Variants in SLC25A26 observed in about 807,000 individuals in gnomAD.
SLC25A26 encodes mitochondrial S-adenosylmethionine carrier protein.
A neutral mutation model predicts 37.8 loss-of-function variants in SLC25A26; 36 were observed. The observed-to-expected ratio is 0.95, with a 90% CI of 0.73 to 1.26. The LOEUF is 1.26. Among genes scored for constraint, SLC25A26 ranks in the 50% most tolerant of loss-of-function variants. The pLI is 0.00. For synonymous variants in SLC25A26, 129 were observed against 122.5 expected, an observed-to-expected ratio of 1.05 and a Z score of -0.35; for missense variants, 390 against 331.1, an observed-to-expected ratio of 1.18 and a Z score of -1.38.
At chr3:66,292,716 G>C (rs754369490) in intron 5 of SLC25A26, among the ~76,000 whole-genome samples, 2 of 152,148 alleles carry the variant, frequency 1.3e-5, no homozygotes, top group Non-Finnish European at 2.9e-5. Context: ...CTCTCTGGCT[G>C]CCCTTAACAT....
At chr3:66,305,949 A>G (rs903878416) in intron 5 of SLC25A26, among the ~76,000 whole-genome samples, 1 of 151,634 alleles carries the variant, frequency 6.6e-6, no homozygotes, top group African/African-American at 2.4e-5. Context: ...TCTTTCCTCA[A>G]CCTCGCCAGC....
intron 5 of SLC25A26, among the ~76,000 whole-genome samples, chr3:66,289,717 C>G (rs2074639767): frequency 6.6e-6 from 1 of 152,150 alleles, no homozygotes; most frequent in African/African-American, 2.4e-5. Context: ...TTTTGGTTTA[C>G]TGTGCCTTGT....
chr3:66,184,367 C>A (rs1421372951), intron 1 of SLC25A26, among the ~76,000 whole-genome samples: 1 of 152,026 alleles, frequency 6.6e-6, no homozygotes, highest in African/African-American at 2.4e-5. Context: ...AATCCCGACC[C>A]TGACCCAGAC....
At chr3:66,359,664 C>G (rs1438089827) in intron 6 of SLC25A26, among the ~76,000 whole-genome samples, 1 of 152,038 alleles carries the variant, frequency 6.6e-6, no homozygotes, top group African/African-American at 2.4e-5. Flanking sequence ...CCTTTGCCAC[C>G]TTAAAAGTAA....
chr3:66,342,319 A>G (rs538938689), intron 5 of SLC25A26, among the ~76,000 whole-genome samples: 2 of 152,302 alleles, frequency 1.3e-5, no homozygotes, highest in East Asian at 3.9e-4. Context: ...ACAGCTTTTT[A>G]GATGGCCTTT....
At chr3:66,356,053 T>G in intron 6 of SLC25A26, 1 of 456,254 alleles carries the variant, frequency 2.2e-6, no homozygotes, top group Non-Finnish European at 4.4e-6. Flanking sequence ...TATAACTGCT[T>G]TTGAATAGAG....
chr3:66,236,433 A>C, intron 1 of SLC25A26, 111 bp from the exon 2 acceptor site: 1 of 766,248 alleles, frequency 1.3e-6, no homozygotes, highest in African/African-American at 1.8e-5. Context: ...ACTGAAAGGA[A>C]TGAGAAATGT....
At chr3:66,355,935 G>A (rs2076564104) in intron 6 of SLC25A26, 1 of 444,048 alleles carries the variant, frequency 2.3e-6, no homozygotes, top group Non-Finnish European at 4.5e-6. Flanking sequence ...TTTGTCATGT[G>A]ATGTTACTAA....
chr3:66,257,835 C>G (rs945283576), intron 3 of SLC25A26, among the ~76,000 whole-genome samples: 1 of 152,044 alleles, frequency 6.6e-6, no homozygotes, highest in Non-Finnish European at 1.5e-5. Flanking sequence ...ATGAATTGAC[C>G]GTAATGGATC....
intron 1 of SLC25A26, among the ~76,000 whole-genome samples, chr3:66,235,195 A>G (rs2072216408): frequency 1.3e-5 from 2 of 152,186 alleles, no homozygotes; most frequent in Non-Finnish European, 2.9e-5. Flanking sequence ...ATTCATATGT[A>G]TTAGCCTTTC....
intron 5 of SLC25A26, among the ~76,000 whole-genome samples, chr3:66,264,942 G>A (rs1165845163): frequency 6.6e-6 from 1 of 152,126 alleles, no homozygotes; most frequent in African/African-American, 2.4e-5. Flanking sequence ...TCAACACATG[G>A]GAAATTTTCT....
intron 1 of SLC25A26, among the ~76,000 whole-genome samples, chr3:66,214,657 A>G (rs925807762): frequency 2.0e-5 from 3 of 150,322 alleles, no homozygotes; most frequent in Admixed American, 1.3e-4. Context: ...TATTGGTATT[A>G]GTGTTTTTCT....
In SLC25A26 at chr3:66,233,666, A is replaced by G. The variant is rs191986562; in HGVS notation, c.34-2878A>G. ...TGGTTGTGTGGATAAATATATAGGT[A>G]TTCTTATTCTTCAGGTTCTCTGTTA... On this transcript the variant is annotated intron_variant, in intron 1 of 9. Transcript: ENST00000354883. Among the ~76,000 whole-genome samples the G allele has an allele frequency of 7.2e-5, 11 of 152,158 alleles. No individual in the cohort carries two copies. In the East Asian group the frequency reaches 1.7e-3, roughly 24 times the overall value.
intron 6 of SLC25A26, among the ~76,000 whole-genome samples, chr3:66,349,082 A>G (rs1185740399): frequency 6.6e-6 from 1 of 152,222 alleles, no homozygotes; most frequent in East Asian, 1.9e-4. Context: ...AGGAAAAAGC[A>G]TAGTGTTTAT....
At chr3:66,198,034 G>A (rs1228107397) in intron 1 of SLC25A26, among the ~76,000 whole-genome samples, 4 of 152,004 alleles carry the variant, frequency 2.6e-5, no homozygotes, top group Non-Finnish European at 5.9e-5. Flanking sequence ...CAGCTTGATA[G>A]TCAGGGTCAG....
chr3:66,311,092 A>G (rs895799110), intron 5 of SLC25A26, among the ~76,000 whole-genome samples: 14 of 152,108 alleles, frequency 9.2e-5, no homozygotes, highest in South Asian at 4.1e-4. Context: ...GTGTTTTCCA[A>G]CGTGGTTCCA....
intron 1 of SLC25A26, among the ~76,000 whole-genome samples, chr3:66,227,346 T>C (rs2071805719): frequency 6.6e-6 from 1 of 152,204 alleles, no homozygotes; most frequent in South Asian, 2.1e-4. Flanking sequence ...CACTTTTCAT[T>C]TTTTTTGCAT....
intron 1 of SLC25A26, among the ~76,000 whole-genome samples, chr3:66,188,789 T>C (rs2070880014): frequency 6.6e-6 from 1 of 151,344 alleles, no homozygotes; most frequent in African/African-American, 2.4e-5. Context: ...ACCCTGGCAC[T>C]GTATCTGACT....
chr3:66,378,758 G>A lies in SLC25A26; in HGVS notation c.*951G>A, dbSNP rs539188461. The A allele has an allele frequency of 6.6e-6, 1 of 152,564 alleles. No homozygotes were observed. The highest frequency in any genetic ancestry group is 2.4e-5 in the African/African-American group (1 of 41,498). The allele number at this position is 152,564 out of a possible 1,614,324, so 9.5% of individuals were successfully genotyped here. On this transcript the variant is annotated 3_prime_UTR_variant, in exon 10 of 10. Transcript: ENST00000354883. The stretch of plus-strand genomic sequence containing the variant: ...TTTTGGGGGAAGATAATTAAAGGCA[G>A]AATGACTGCGTTTGTAAAAGAAGGA...
Sources: gnomAD v4.1 joint callset for allele counts (sites outside exome capture counted in the v4.1 genomes callset) on GRCh38, gnomAD v4.1.1 for gene constraint, MANE v1.5 for transcripts, NCBI Gene and HGNC (gene_info 2026-07-23, HGNC 2026-07-21) for gene names.